The following AGBL1 variants were observed in gnomAD, a reference collection of about 807,000 sequenced individuals.
AGBL1 encodes cytosolic carboxypeptidase 4.
Under a neutral mutation model 118.9 loss-of-function variants are expected in AGBL1, and 130 were observed. That is an observed-to-expected ratio of 1.09 (90% confidence interval 0.95 to 1.26). The LOEUF is 1.26. Among genes scored for constraint, AGBL1 ranks in the 50% most tolerant of loss-of-function variants. AGBL1 has a pLI of 0.00. For missense variants in AGBL1, 1,584 were observed against 1,298.1 expected (o/e 1.22, Z -3.38); for synonymous variants, 555 against 478.9 (o/e 1.16, Z -2.08).
chr15:86,402,816 C>G (rs753014688), intron 18 of AGBL1, among the ~76,000 whole-genome samples: 1 of 152,078 alleles, frequency 6.6e-6, no homozygotes, highest in African/African-American at 2.4e-5. Flanking sequence ...TCCTGCCAAG[C>G]CAAGGATCTC....
chr15:86,805,652 G>C (rs149882427), intron 22 of AGBL1, among the ~76,000 whole-genome samples: 129 of 152,278 alleles, frequency 8.5e-4, no homozygotes, highest in African/African-American at 2.8e-3. Flanking sequence ...GGTGGGACAT[G>C]CTCGTTGATT....
At position 86,680,300 on chromosome 15, in the gene AGBL1, C is replaced by T. The variant is rs547655335; in HGVS notation, c.3158+5864C>T. Among the ~76,000 whole-genome samples the T allele has an allele frequency of 1.1e-4, 17 of 152,140 alleles. 1 individual carries two copies. The South Asian group carries it at 2.5e-3, about 22-fold the overall frequency. On this transcript the variant is annotated intron_variant, in intron 22 of 22. Transcript: ENST00000614907. ...GATTCATCTTACATTTTTCAGAGAGCACCTTAAAAGTAGCTTTTCTTTTTT... is the reference window on the plus strand; with the variant it reads ...GATTCATCTTACATTTTTCAGAGAGTACCTTAAAAGTAGCTTTTCTTTTTT...
intron 6 of AGBL1, among the ~76,000 whole-genome samples, chr15:86,241,598 T>C (rs2078641915): frequency 6.6e-6 from 1 of 152,094 alleles, no homozygotes; most frequent in African/African-American, 2.4e-5. Context: ...TGCTGCATAC[T>C]CACATAGCAG....
chr15:87,023,252 G>A (rs2081687488), intron 24 of AGBL1, among the ~76,000 whole-genome samples: 1 of 151,910 alleles, frequency 6.6e-6, no homozygotes. Flanking sequence ...AACACGTAAG[G>A]ACTCACACAA....
chr15:86,281,060 T>C (rs1218798868), intron 16 of AGBL1, among the ~76,000 whole-genome samples: 1 of 152,194 alleles, frequency 6.6e-6, no homozygotes. Flanking sequence ...GCTGTTTTTA[T>C]GGTCTTGCCT....
chr15:86,095,213 A>ACTC (rs1298315897), intron 1 of AGBL1, among the ~76,000 whole-genome samples: 2 of 152,148 alleles, frequency 1.3e-5, no homozygotes, highest in Non-Finnish European at 2.9e-5. Flanking sequence ...ACCTGGAAGT[A>ACTC]CTCTGAACCC....
intron 1 of AGBL1, among the ~76,000 whole-genome samples, chr15:86,133,071 C>A (rs2076839996): frequency 6.6e-6 from 1 of 152,158 alleles, no homozygotes; most frequent in Non-Finnish European, 1.5e-5. Context: ...GAGTTAGGTA[C>A]AAGTATTAGT....
intron 17 of AGBL1, among the ~76,000 whole-genome samples, chr15:86,338,009 A>T (rs1448506190): frequency 6.6e-6 from 1 of 152,222 alleles, no homozygotes; most frequent in Non-Finnish European, 1.5e-5. Context: ...GAAGCAAAAA[A>T]GATAAGGTCT....
intron 12 of AGBL1, among the ~76,000 whole-genome samples, chr15:86,266,771 G>C (rs1246009240): frequency 6.6e-6 from 1 of 152,100 alleles, no homozygotes; most frequent in Non-Finnish European, 1.5e-5. Flanking sequence ...GTATGGTGGC[G>C]GGTGCCTGTA....
chr15:86,458,016 G>C (rs1052983622), intron 18 of AGBL1, among the ~76,000 whole-genome samples: 2 of 151,842 alleles, frequency 1.3e-5, no homozygotes, highest in Non-Finnish European at 2.9e-5. Context: ...GGTTTAATAG[G>C]GAGAAATGAT....
At chr15:86,874,938 C>T (rs916411007) in intron 22 of AGBL1, among the ~76,000 whole-genome samples, 4 of 152,084 alleles carry the variant, frequency 2.6e-5, no homozygotes, top group Non-Finnish European at 5.9e-5. Flanking sequence ...CCTCCAACCT[C>T]ATAACTTTTC....
intron 22 of AGBL1, among the ~76,000 whole-genome samples, chr15:86,780,995 C>A (rs1446214396): frequency 6.6e-6 from 1 of 152,024 alleles, no homozygotes; most frequent in Non-Finnish European, 1.5e-5. Flanking sequence ...GTTTGAATTG[C>A]TCATTTTTGA....
At chr15:86,211,429 C>T (rs952490042) in intron 5 of AGBL1, among the ~76,000 whole-genome samples, 4 of 152,224 alleles carry the variant, frequency 2.6e-5, no homozygotes, top group Non-Finnish European at 4.4e-5. Context: ...TGTTCAGCTA[C>T]GCCCTGCCCC....
chr15:86,441,039 A>G (rs1269038020), intron 18 of AGBL1, among the ~76,000 whole-genome samples: 1 of 152,182 alleles, frequency 6.6e-6, no homozygotes, highest in East Asian at 1.9e-4. Context: ...AATTAGAAAT[A>G]TGGTTAAAGA....
At chr15:86,156,518 T>A (rs1487031506) in intron 4 of AGBL1, among the ~76,000 whole-genome samples, 1 of 152,184 alleles carries the variant, frequency 6.6e-6, no homozygotes, top group Non-Finnish European at 1.5e-5. Context: ...AGGGCTTCAA[T>A]GTATGAATTT....
At chr15:86,468,803 AG>A (rs2082440503) in intron 18 of AGBL1, among the ~76,000 whole-genome samples, 1 of 152,126 alleles carries the variant, frequency 6.6e-6, no homozygotes, top group African/African-American at 2.4e-5. Flanking sequence ...TAGACATGAG[AG>A]GGGATGTAAA....
At chr15:86,121,185 G>T (rs961608855) in intron 1 of AGBL1, among the ~76,000 whole-genome samples, 9 of 152,096 alleles carry the variant, frequency 5.9e-5, no homozygotes, top group Admixed American at 5.9e-4. Flanking sequence ...GGTGTGAACC[G>T]CTGTGCCTGG....
In AGBL1 at chr15:86,365,070, TAC is replaced by T. The variant is rs199943058; in HGVS notation, c.2375-32286_2375-32285del. 4.7e-3 allele frequency among the ~76,000 whole-genome samples: 699 copies of T among 149,444 alleles called. 15 individuals are homozygous for T. The highest frequency in any genetic ancestry group is 0.016 in the African/African-American group (660 of 40,582). ...ACACATATATATACACATATATATA[TAC>T]ACACACACATATATATAATTGATTT... On this transcript the variant is annotated intron_variant, in intron 17 of 22. Transcript: ENST00000614907.
At chr15:86,464,268 G>A (rs1010307789) in intron 18 of AGBL1, among the ~76,000 whole-genome samples, 83 of 152,304 alleles carry the variant, frequency 5.4e-4, no homozygotes, top group African/African-American at 1.9e-3. Context: ...AGGAATGCTT[G>A]TGATTTTTGC....
Sources: gnomAD v4.1 joint callset for allele counts (sites outside exome capture counted in the v4.1 genomes callset) on GRCh38, gnomAD v4.1.1 for gene constraint, MANE v1.5 for transcripts, NCBI Gene and HGNC (gene_info 2026-07-23, HGNC 2026-07-21) for gene names.